YEATS4: variants seen among roughly 807,000 people sequenced by gnomAD.
The protein encoded by YEATS4 is YEATS domain containing 4, also known as YEATS domain-containing protein 4.
In YEATS4, 17 loss-of-function variants were observed where a neutral mutation model predicts 30.1. That is an observed-to-expected ratio of 0.56 (90% confidence interval 0.39 to 0.85). YEATS4 has a LOEUF of 0.85. YEATS4 is among the 40% of genes least tolerant of loss of function. The pLI is 0.00. For synonymous variants in YEATS4, 85 were observed against 87.5 expected, an observed-to-expected ratio of 0.97 and a Z score of 0.16; for missense variants, 142 against 268.3, an observed-to-expected ratio of 0.53 and a Z score of 3.29.
Position 69,359,983 on chromosome 12 carries a change from G to T in YEATS4, c.11G>T (p.Arg4Ile). 1 of 1,613,614 alleles carries T rather than the reference G, an allele frequency of 6.2e-7. No homozygotes were observed. Among genetic ancestry groups the T allele is most frequent in the Non-Finnish European group, 8.5e-7 (1 of 1,179,760 alleles). MFK[R>I]MAEFGPDSGG... ...CTTCCGTGGGACAATATGTTCAAGAGAATGGCCGAATTTGGGCCTGACTCC... is the reference window on the plus strand; with the variant it reads ...CTTCCGTGGGACAATATGTTCAAGATAATGGCCGAATTTGGGCCTGACTCC... Residue 4 changes from arginine to isoleucine, a missense_variant, in exon 1 of 7, where the codon AGA becomes ATA. Physicochemically the swap from Arg to Ile is moderately conservative, Grantham distance 97. Transcript: ENST00000247843.
intron 6 of YEATS4, among the ~76,000 whole-genome samples, chr12:69,375,133 C>T (rs1461508900): frequency 6.6e-6 from 1 of 150,430 alleles, no homozygotes; most frequent in Non-Finnish European, 1.5e-5. Context: ...GGAGGGGCTC[C>T]TCACTTCCCA....
Position 69,365,864 on chromosome 12 carries a change from AT to A in YEATS4, c.315del (p.Ile105MetfsTer8). 1 of 1,607,534 alleles carries A rather than the reference AT, an allele frequency of 6.2e-7. No homozygotes were observed. The highest frequency in any genetic ancestry group is 8.5e-7 in the Non-Finnish European group (1 of 1,177,380). On this transcript the variant is annotated frameshift_variant, in exon 4 of 7. Transcript: ENST00000247843. LOFTEE classifies it high-confidence loss of function. ...CGAAATAATCATCAAAATATTTTTC[AT>A]TGACCCTAATGAAAGACCTGTGAGT... ...EFEIIIKIFF[I>X]DPNERPVTLY...
chr12:69,388,063 AT>A (rs66970417), intron 6 of YEATS4, among the ~76,000 whole-genome samples: 96,789 of 143,266 alleles, frequency 0.68, 32,600 homozygotes, highest in African/African-American at 0.81. Flanking sequence ...TTTTATTTTT[AT>A]TTTTTTTTTT....
chr12:69,408,857 A>G, the YEATS4 span, among the ~76,000 whole-genome samples: 1 of 152,206 alleles, frequency 6.6e-6, no homozygotes, highest in Non-Finnish European at 1.5e-5. Context: ...TTCCTGTCTT[A>G]GAGCTCGCCC....
the YEATS4 span, among the ~76,000 whole-genome samples, chr12:69,422,254 C>T: frequency 5.3e-5 from 8 of 152,070 alleles, no homozygotes; most frequent in Non-Finnish European, 7.4e-5. Flanking sequence ...GAAGGAACAT[C>T]GAAGACCCTG....
the YEATS4 span, among the ~76,000 whole-genome samples, chr12:69,407,380 TATTA>T: frequency 6.6e-6 from 1 of 152,264 alleles, no homozygotes; most frequent in East Asian, 1.9e-4. Flanking sequence ...GCTGAATACA[TATTA>T]ATTAATTTAA....
the YEATS4 span, among the ~76,000 whole-genome samples, chr12:69,423,359 G>A: frequency 6.6e-6 from 1 of 152,240 alleles, no homozygotes; most frequent in Non-Finnish European, 1.5e-5. Flanking sequence ...GGCTGTATAT[G>A]TCATAAAAGG....
At chr12:69,388,303 A>G (rs1276084194) in intron 6 of YEATS4, among the ~76,000 whole-genome samples, 1 of 152,196 alleles carries the variant, frequency 6.6e-6, no homozygotes, top group Admixed American at 6.5e-5. Context: ...TTTACATATA[A>G]TTACTTCATG....
the YEATS4 span, among the ~76,000 whole-genome samples, chr12:69,410,253 C>CT: frequency 2.6e-5 from 4 of 152,176 alleles, no homozygotes; most frequent in Non-Finnish European, 5.9e-5. Context: ...CAGTCACTCC[C>CT]TACTCCCACT....
chr12:69,398,065 A>G, the YEATS4 span, among the ~76,000 whole-genome samples: 1 of 152,220 alleles, frequency 6.6e-6, no homozygotes, highest in Admixed American at 6.5e-5. Context: ...TTAGTAATAT[A>G]AGAGAACTTC....
chr12:69,405,278 T>C, the YEATS4 span, among the ~76,000 whole-genome samples: 1 of 152,226 alleles, frequency 6.6e-6, no homozygotes, highest in Non-Finnish European at 1.5e-5. Flanking sequence ...TTCTTTCCTA[T>C]GCATACATGT....
intron 2 of YEATS4, 79 bp downstream of exon 2, chr12:69,362,986 T>A (rs998492668): frequency 0.013 from 10,612 of 842,480 alleles, 1,746 homozygotes; most frequent in South Asian, 0.032. Context: ...CCTGTAGTTT[T>A]TTTTTTTTTT....
downstream of YEATS4, among the ~76,000 whole-genome samples, chr12:69,394,296 A>G (rs1409819010): frequency 1.3e-5 from 2 of 152,212 alleles, no homozygotes; most frequent in Non-Finnish European, 2.9e-5. Flanking sequence ...AAAAATAAAA[A>G]TAGCCTAAAG....
At chr12:69,361,707 C>A (rs1275005811) in intron 1 of YEATS4, among the ~76,000 whole-genome samples, 1 of 152,240 alleles carries the variant, frequency 6.6e-6, no homozygotes, top group Non-Finnish European at 1.5e-5. Context: ...GTTTCAGATT[C>A]ATGTGCAACA....
At chr12:69,377,496 A>G (rs970263111) in intron 6 of YEATS4, among the ~76,000 whole-genome samples, 1 of 151,954 alleles carries the variant, frequency 6.6e-6, no homozygotes, top group African/African-American at 2.4e-5. Context: ...CTTGTCCTCA[A>G]GCGATCCTCC....
chr12:69,412,051 G>A, the YEATS4 span, among the ~76,000 whole-genome samples: 23 of 152,356 alleles, frequency 1.5e-4, no homozygotes, highest in Admixed American at 1.2e-3. Context: ...GTAGAAGCAG[G>A]GCTGAGGGAC....
At chr12:69,380,961 C>T (rs1279542660) in intron 6 of YEATS4, among the ~76,000 whole-genome samples, 1 of 152,128 alleles carries the variant, frequency 6.6e-6, no homozygotes, top group Non-Finnish European at 1.5e-5. Flanking sequence ...AATAAGATAT[C>T]ACAAGGCAAA....
the YEATS4 span, among the ~76,000 whole-genome samples, chr12:69,403,589 A>G: frequency 1.3e-5 from 2 of 151,930 alleles, no homozygotes; most frequent in Admixed American, 6.5e-5. Flanking sequence ...AAAAAAAAAA[A>G]AAGAAAAAAA....
At chr12:69,384,834 G>T (rs974543576) in intron 6 of YEATS4, among the ~76,000 whole-genome samples, 1 of 152,046 alleles carries the variant, frequency 6.6e-6, no homozygotes, top group African/African-American at 2.4e-5. Context: ...TGCTAAAATT[G>T]ATAAATAGAA....
Sources: gnomAD v4.1 joint callset for allele counts (sites outside exome capture counted in the v4.1 genomes callset) on GRCh38, gnomAD v4.1.1 for gene constraint, MANE v1.5 for transcripts, NCBI Gene and HGNC (gene_info 2026-07-23, HGNC 2026-07-21) for gene names.